The following LPGAT1 variants were observed in gnomAD, a reference collection of about 807,000 sequenced individuals.
The protein encoded by LPGAT1 is acyl-CoA:lysophosphatidylglycerol acyltransferase 1.
In LPGAT1, 11 loss-of-function variants were observed where a neutral mutation model predicts 47.5. The observed-to-expected ratio is 0.23, with a 90% CI of 0.15 to 0.38. The LOEUF (loss-of-function observed/expected upper bound fraction) is 0.38, where lower values mean the gene tolerates loss of function less well. Ranked by LOEUF, LPGAT1 falls within the 10% of genes least tolerant of loss-of-function variation. The pLI is 1.00. For synonymous variants in LPGAT1, 138 were observed against 144.2 expected (o/e 0.96, Z 0.31); for missense variants, 293 against 439.0 (o/e 0.67, Z 2.97).
intron 6 of LPGAT1, among the ~76,000 whole-genome samples, chr1:211,760,542 G>T (rs778219789): frequency 2.2e-5 from 3 of 139,282 alleles, no homozygotes; most frequent in Non-Finnish European, 3.3e-5. Flanking sequence ...TGAATCATAA[G>T]ATAAGTATCT....
At chr1:211,771,796 C>T (rs1157936542) in intron 6 of LPGAT1, among the ~76,000 whole-genome samples, 1 of 152,194 alleles carries the variant, frequency 6.6e-6, no homozygotes, top group African/African-American at 2.4e-5. Context: ...AGCGACCGTG[C>T]TGCCCAGCCT....
At position 211,830,450 on chromosome 1, in the gene LPGAT1, C is replaced by T. The variant is rs1481480806; in HGVS notation, c.-28+123G>A. 8.5e-7 allele frequency: 1 copy of T among 1,179,666 alleles called. No individual in the cohort carries two copies. The highest frequency in any genetic ancestry group is 1.1e-6 in the Non-Finnish European group (1 of 952,158). 73.1% of individuals were successfully genotyped at this position (1,179,666 alleles called of 1,614,324 possible). A position where few individuals can be genotyped will look rare whatever the true frequency, so the allele number is the denominator to read the frequency against. On this transcript the variant is annotated intron_variant, in intron 1 of 7. Coordinates refer to ENST00000366997, the MANE Select transcript of LPGAT1 (RefSeq NM_014873.3). The surrounding 1 kb of genome is among the most constrained non-coding windows in gnomAD (Gnocchi z 5.9). ...CCCCGGGGCCTACCGCGCCCTCGTC[C>T]CTCAGGCCGCTGCCGCCTCCCCGGG... is the stretch of plus-strand genomic sequence containing the variant.
chr1:211,768,854 G>A (rs549660954), intron 6 of LPGAT1, among the ~76,000 whole-genome samples: 3 of 152,178 alleles, frequency 2.0e-5, no homozygotes, highest in Admixed American at 1.3e-4. Flanking sequence ...CAGTGATGGT[G>A]ATTTTCATAC....
rs201315187 is a variant in LPGAT1, at chr1:211,829,270, C to A, written c.27G>T (p.Pro9=). The change falls in exon 2 of 8, where the codon CCG becomes CCT. Residue 9 remains proline, a synonymous_variant. Coordinates refer to ENST00000366997, the MANE Select transcript of LPGAT1 (RefSeq NM_014873.3). MAITLEEA[P]WLGWLLVKAL... ...CTTTCACCAAGAGCCAGCCCAGCCA[C>A]GGAGCTTCTTCCAAAGTTATAGCCA... The A allele has an allele frequency of 3.7e-6, 6 of 1,614,216 alleles. No homozygotes were observed. In the African/African-American group the frequency reaches 6.7e-5, roughly 18 times the overall value.
chr1:211,800,977 C>T (rs1184062679), intron 2 of LPGAT1, among the ~76,000 whole-genome samples: 1 of 152,212 alleles, frequency 6.6e-6, no homozygotes, highest in East Asian at 1.9e-4. Context: ...AAAATACTGA[C>T]ATTTGGGGTT....
chr1:211,792,041 A>AT, intron 3 of LPGAT1: 1 of 151,624 alleles, frequency 6.6e-6, no homozygotes, highest in Non-Finnish European at 1.5e-5. Flanking sequence ...GACTGAATTT[A>AT]TTTTTTAAAT....
In LPGAT1 at chr1:211,745,353, G is replaced by A. The variant is rs535559262; in HGVS notation, c.*4546C>T. On this transcript the variant is annotated 3_prime_UTR_variant, in exon 8 of 8. Transcript: ENST00000366997. ...AATGAAAGCACTTAATAAAAATAAT[G>A]GCAGTTGAAAGTATAACTGTCTCAT... 2 of 152,198 alleles carry A rather than the reference G, an allele frequency of 1.3e-5. No individual in the cohort carries two copies. Among genetic ancestry groups the A allele is most frequent in the Admixed American group, 1.3e-4 (2 of 15,290 alleles). 9.4% of individuals were successfully genotyped at this position (152,198 alleles called of 1,614,324 possible). A position where few individuals can be genotyped will look rare whatever the true frequency, so the allele number is the denominator to read the frequency against.
chr1:211,829,292 G>A lies in LPGAT1; in HGVS notation c.5C>T (p.Ala2Val). 6.2e-7 allele frequency: 1 copy of A among 1,614,152 alleles called. No homozygotes were observed. Among genetic ancestry groups the A allele is most frequent in the Non-Finnish European group, 8.5e-7 (1 of 1,180,026 alleles). ...CCACGGAGCTTCTTCCAAAGTTATA[G>A]CCATTCTCACACTGGACTCCGTCCT... is the stretch of plus-strand genomic sequence containing the variant. M[A>V]ITLEEAPWLG... Residue 2 changes from alanine to valine, a missense_variant, in exon 2 of 8, where the codon GCT (alanine) becomes GTT (valine). Ala to Val is a moderately conservative substitution (Grantham distance 64). Coordinates refer to ENST00000366997, the MANE Select transcript of LPGAT1 (RefSeq NM_014873.3).
chr1:211,754,820 C>A (rs1021345583), intron 6 of LPGAT1, among the ~76,000 whole-genome samples: 1 of 151,896 alleles, frequency 6.6e-6, no homozygotes, highest in African/African-American at 2.4e-5. Flanking sequence ...TCAAGACCAG[C>A]CTGGTCAAGA....
At chr1:211,794,240 C>A (rs752539315) in intron 2 of LPGAT1, among the ~76,000 whole-genome samples, 1 of 152,170 alleles carries the variant, frequency 6.6e-6, no homozygotes, top group Non-Finnish European at 1.5e-5. Context: ...AAAATCTATA[C>A]GTACATTCTA....
intron 2 of LPGAT1, among the ~76,000 whole-genome samples, chr1:211,819,403 C>T (rs1179443083): frequency 3.3e-5 from 5 of 151,966 alleles, no homozygotes; most frequent in Admixed American, 2.0e-4. Context: ...GAGATGGGAA[C>T]GATCACTTGA....
At chr1:211,755,418 T>C (rs1313031187) in intron 6 of LPGAT1, among the ~76,000 whole-genome samples, 1 of 151,690 alleles carries the variant, frequency 6.6e-6, no homozygotes, top group African/African-American at 2.4e-5. Flanking sequence ...CAAATAAATA[T>C]TGAAAAAAAA....
At chr1:211,814,345 G>A (rs1273902938) in intron 2 of LPGAT1, among the ~76,000 whole-genome samples, 1 of 152,192 alleles carries the variant, frequency 6.6e-6, no homozygotes, top group Non-Finnish European at 1.5e-5. Context: ...GTGTCACAAG[G>A]TTAGACAGGC....
intron 2 of LPGAT1, among the ~76,000 whole-genome samples, chr1:211,816,865 G>T (rs1660193109): frequency 6.6e-6 from 1 of 152,066 alleles, no homozygotes. Context: ...AAAAATCAAT[G>T]TTTTTTCCCC....
At chr1:211,803,296 G>A (rs1659639176) in intron 2 of LPGAT1, among the ~76,000 whole-genome samples, 1 of 152,132 alleles carries the variant, frequency 6.6e-6, no homozygotes, top group Non-Finnish European at 1.5e-5. Context: ...CCAAGAAAGA[G>A]AAAGACATGT....
intron 2 of LPGAT1, among the ~76,000 whole-genome samples, chr1:211,807,804 A>C (rs902287405): frequency 3.9e-5 from 6 of 152,222 alleles, no homozygotes; most frequent in Non-Finnish European, 7.3e-5. Context: ...AACACAGGAG[A>C]AAATCTCCAT....
Position 211,749,261 on chromosome 1 carries a change from G to C in LPGAT1, c.*638C>G, listed in dbSNP as rs28368551. The C allele has an allele frequency of 6.6e-6, 1 of 152,606 alleles. No homozygotes were observed. Among genetic ancestry groups the C allele is most frequent in the Admixed American group, 6.5e-5 (1 of 15,284 alleles). 9.5% of individuals were successfully genotyped at this position (152,606 alleles called of 1,614,324 possible). A position where few individuals can be genotyped will look rare whatever the true frequency, so the allele number is the denominator to read the frequency against. ...AAAAGCACGAGTGTATGTAAACACA[G>C]TGTTGGACTGAGCTAGCCTTTGTAA... On this transcript the variant is annotated 3_prime_UTR_variant, in exon 8 of 8. Transcript: ENST00000366997.
Position 211,783,390 on chromosome 1 carries a change from C to T in LPGAT1, c.566G>A (p.Arg189Lys). The T allele has an allele frequency of 6.2e-7, 1 of 1,614,194 alleles. No homozygotes were observed. The highest frequency in any genetic ancestry group is 8.5e-7 in the Non-Finnish European group (1 of 1,180,026). ...TGCCTGACTTGTTTCTCGCCTCTTC[C>T]TGAGGAAGCCCCCTTCTGGAAACAA... is the stretch of plus-strand genomic sequence containing the variant. ...IVLFPEGGFLRKRRETSQAFA... is the reference protein window; with the variant it reads ...IVLFPEGGFLKKRRETSQAFA... The change falls in exon 5 of 8, where the codon AGG becomes AAG. Residue 189 changes from arginine (R) to lysine (K), a missense_variant. By Grantham distance (26) the Arg-to-Lys change is conservative. Coordinates refer to ENST00000366997, the MANE Select transcript of LPGAT1 (RefSeq NM_014873.3).
At chr1:211,785,881 A>G (rs1452230461) in intron 4 of LPGAT1, among the ~76,000 whole-genome samples, 1 of 152,126 alleles carries the variant, frequency 6.6e-6, no homozygotes, top group African/African-American at 2.4e-5. Flanking sequence ...TGCTGGGATT[A>G]CAGGCATGAG....
Sources: gnomAD v4.1 joint callset for allele counts (sites outside exome capture counted in the v4.1 genomes callset) on GRCh38, gnomAD v4.1.1 for gene constraint, Gnocchi (gnomAD v3.1) non-coding constraint, MANE v1.5 for transcripts, NCBI Gene and HGNC (gene_info 2026-07-23, HGNC 2026-07-21) for gene names.